Variants in ACOT7 observed in about 807,000 individuals in gnomAD.
The protein encoded by ACOT7 is acyl-CoA thioesterase 7, also known as cytosolic acyl coenzyme A thioester hydrolase.
In ACOT7, 12 loss-of-function variants were observed where a neutral mutation model predicts 40.2. The observed-to-expected ratio is 0.30, with a 90% CI of 0.19 to 0.48. The LOEUF (loss-of-function observed/expected upper bound fraction) is 0.48. Ranked by LOEUF, ACOT7 falls within the 20% of genes least tolerant of loss-of-function variation. The pLI, the probability that ACOT7 is intolerant of heterozygous loss-of-function variation, is 0.99. For missense variants in ACOT7, 395 were observed against 530.8 expected (o/e 0.74, Z 2.51); for synonymous variants, 228 against 219.5 (o/e 1.04, Z -0.34).
chr1:6,328,684 A>AAAAT (rs889310375), intron 4 of ACOT7, among the ~76,000 whole-genome samples: 3 of 152,194 alleles, frequency 2.0e-5, no homozygotes, highest in Non-Finnish European at 2.9e-5. Context: ...TCCGTCTAAA[A>AAAAT]AAATAAATAA....
chr1:6,332,724 G>A (rs149875764), intron 4 of ACOT7, among the ~76,000 whole-genome samples: 4,165 of 152,162 alleles, frequency 0.027, 205 homozygotes, highest in African/African-American at 0.095. Flanking sequence ...AGGAGGCTGA[G>A]GCAGGAGAAT....
At chr1:6,382,920 C>T (rs1025570582) in intron 1 of ACOT7, among the ~76,000 whole-genome samples, 1 of 151,512 alleles carries the variant, frequency 6.6e-6, no homozygotes, top group Non-Finnish European at 1.5e-5. Context: ...CTCTTGTCAC[C>T]CAGGTTGGAG....
rs367674830 is a variant in ACOT7 at position 6,346,034 on chromosome 1, C to G, written c.261+3715G>C. Among the ~76,000 whole-genome samples the G allele has an allele frequency of 1.9e-3, 293 of 152,334 alleles. 2 individuals carry two copies. The highest frequency in any genetic ancestry group is 6.2e-3 in the African/African-American group (257 of 41,580). ...GGGCTACCACTCTGTACAAGCACAG[C>G]AGGTCAGGAGTGGAGCAGCAGCTGG... On this transcript the variant is annotated intron_variant, in intron 2 of 8. Coordinates refer to ENST00000361521, the MANE Select transcript of ACOT7 (RefSeq NM_007274.4).
chr1:6,312,439 C>T (rs536082838), intron 6 of ACOT7, among the ~76,000 whole-genome samples: 1 of 151,774 alleles, frequency 6.6e-6, no homozygotes, highest in East Asian at 1.9e-4. Flanking sequence ...CCCTCCCTCC[C>T]CCTCTCTCTA....
At chr1:6,342,968 G>A (rs1248765806) in intron 2 of ACOT7, among the ~76,000 whole-genome samples, 1 of 152,198 alleles carries the variant, frequency 6.6e-6, no homozygotes, top group Non-Finnish European at 1.5e-5. Context: ...GGGAATGTGA[G>A]TCTCCATTTC....
chr1:6,322,476 G>T (rs778480504), intron 5 of ACOT7, among the ~76,000 whole-genome samples: 3 of 152,242 alleles, frequency 2.0e-5, no homozygotes, highest in Non-Finnish European at 4.4e-5. Context: ...GCTGTAACAA[G>T]AGTGCCCACC....
chr1:6,318,487 C>G lies in ACOT7; in HGVS notation c.712+5G>C, dbSNP rs1481947132. ...AATGGAGTGGCCAGGGCGCTTCCTT[C>G]TTACCTCCGTGCACAAAGCCGTGCA... On this transcript the variant is annotated splice_donor_5th_base_variant and intron_variant, in intron 6 of 8. Transcript: ENST00000361521. The G allele has an allele frequency of 6.8e-6, 11 of 1,613,606 alleles. No individual in the cohort carries two copies. Among genetic ancestry groups the G allele is most frequent in the Non-Finnish European group, 9.3e-6 (11 of 1,179,852 alleles).
At chr1:6,324,718 T>C (rs899745221) in intron 5 of ACOT7, among the ~76,000 whole-genome samples, 1 of 152,168 alleles carries the variant, frequency 6.6e-6, no homozygotes, top group Non-Finnish European at 1.5e-5. Context: ...CCAGGACCCC[T>C]TTGTGTTAGG....
chr1:6,332,546 T>C (rs992666821), intron 4 of ACOT7, among the ~76,000 whole-genome samples: 1 of 152,216 alleles, frequency 6.6e-6, no homozygotes, highest in Non-Finnish European at 1.5e-5. Flanking sequence ...CCGGGCGCAG[T>C]GGTTCACACC....
At chr1:6,357,123 G>C (rs374326802) in intron 1 of ACOT7, among the ~76,000 whole-genome samples, 1 of 151,912 alleles carries the variant, frequency 6.6e-6, no homozygotes, top group Non-Finnish European at 1.5e-5. Flanking sequence ...TGTAATCCCA[G>C]CTACCTGGGA....
At chr1:6,354,396 G>A (rs1234247658) in intron 1 of ACOT7, among the ~76,000 whole-genome samples, 1 of 152,364 alleles carries the variant, frequency 6.6e-6, no homozygotes, top group Non-Finnish European at 1.5e-5. Flanking sequence ...AGTGCCCAGC[G>A]AGCTCCAGAA....
chr1:6,365,901 TA>T (rs1255578409), intron 1 of ACOT7, among the ~76,000 whole-genome samples: 1 of 151,926 alleles, frequency 6.6e-6, no homozygotes, highest in South Asian at 2.1e-4. Context: ...TTTTGGGGTT[TA>T]TTTTTTTTTT....
At chr1:6,341,094 A>G (rs1224254589) in intron 2 of ACOT7, among the ~76,000 whole-genome samples, 1 of 151,832 alleles carries the variant, frequency 6.6e-6, no homozygotes, top group Non-Finnish European at 1.5e-5. Flanking sequence ...TTTTTCATTC[A>G]GTATGGGAAA....
chr1:6,287,075 C>T (rs937837770), intron 7 of ACOT7, among the ~76,000 whole-genome samples: 5 of 152,232 alleles, frequency 3.3e-5, no homozygotes, highest in African/African-American at 4.8e-5. Context: ...CATGAGCCAC[C>T]GCGCCCAGCT....
chr1:6,335,188 G>A (rs952644669), intron 3 of ACOT7, among the ~76,000 whole-genome samples: 18 of 152,010 alleles, frequency 1.2e-4, no homozygotes, highest in East Asian at 7.8e-4. Context: ...AAAATTAGCC[G>A]GGCGTGGTGG....
intron 4 of ACOT7, among the ~76,000 whole-genome samples, chr1:6,333,152 T>C (rs1641007517): frequency 1.3e-5 from 2 of 152,218 alleles, no homozygotes; most frequent in Admixed American, 1.3e-4. Context: ...GTCCCTAGGT[T>C]GGAGGGATGT....
At chr1:6,388,972 C>T (rs1288236320) in intron 1 of ACOT7, among the ~76,000 whole-genome samples, 1 of 149,794 alleles carries the variant, frequency 6.7e-6, no homozygotes, top group Non-Finnish European at 1.5e-5. Flanking sequence ...ACCCGGGAGG[C>T]GGAGCTTGCA....
At chr1:6,367,596 G>A (rs759490238) in intron 1 of ACOT7, among the ~76,000 whole-genome samples, 3 of 152,208 alleles carry the variant, frequency 2.0e-5, no homozygotes, top group Non-Finnish European at 4.4e-5. Flanking sequence ...CCTGGACCAA[G>A]CGCACCTCAA....
intron 4 of ACOT7, among the ~76,000 whole-genome samples, chr1:6,328,323 C>A (rs1283458060): frequency 6.6e-6 from 1 of 152,130 alleles, no homozygotes; most frequent in East Asian, 1.9e-4. Flanking sequence ...CCAAATGAAT[C>A]ACAGGGGTTT....
Sources: gnomAD v4.1 joint callset for allele counts (sites outside exome capture counted in the v4.1 genomes callset) on GRCh38, gnomAD v4.1.1 for gene constraint, MANE v1.5 for transcripts, NCBI Gene and HGNC (gene_info 2026-07-23, HGNC 2026-07-21) for gene names.